Variants in NAV2 observed in about 807,000 individuals in gnomAD.
The protein encoded by NAV2 is neuron navigator 2, also known as helicase, APC down-regulated 1.
In NAV2, 54 loss-of-function variants were observed where a neutral mutation model predicts 223.2. The observed-to-expected ratio is 0.24, with a 90% CI of 0.19 to 0.30. The LOEUF (loss-of-function observed/expected upper bound fraction) is 0.30. Among genes scored for constraint, NAV2 ranks in the 10% least tolerant of loss-of-function variants. The probability of loss-of-function intolerance (pLI) is 1.00; values close to 1 mark genes in which losing one functional copy is unlikely to be tolerated. For synonymous variants in NAV2, 1,279 were observed against 1,239.3 expected (o/e 1.03, Z -0.67); for missense variants, 2,806 against 3,147.5 (o/e 0.89, Z 2.60).
At chr11:19,726,460 C>T (rs1427802549) in intron 1 of NAV2, among the ~76,000 whole-genome samples, 2 of 152,186 alleles carry the variant, frequency 1.3e-5, no homozygotes, top group Non-Finnish European at 2.9e-5. Flanking sequence ...TGCTGCTCTT[C>T]CTGCATGGAA....
chr11:19,713,520 C>T lies in NAV2; in HGVS notation c.-176C>T, dbSNP rs982956574. ...CATTCCCATCCCGGCACCCCAAAGG[C>T]GCGCTCGCCCGATTGCTTCGAGTTC... On this transcript the variant is annotated 5_prime_UTR_variant, in exon 1 of 38. Coordinates refer to ENST00000349880, the MANE Select transcript of NAV2 (RefSeq NM_145117.5). The surrounding 1 kb of genome is among the most constrained non-coding windows in gnomAD (Gnocchi z 7.2). 9 of 1,393,672 alleles carry T rather than the reference C, an allele frequency of 6.5e-6. No individual in the cohort carries two copies. The South Asian group carries it at 1.4e-4, about 22-fold the overall frequency. The allele number at this position is 1,393,672 out of a possible 1,614,324, so 86.3% of individuals were successfully genotyped here.
chr11:19,384,429 G>C, intron 1 of NAV2, among the ~76,000 whole-genome samples: 1 of 152,194 alleles, frequency 6.6e-6, no homozygotes, highest in South Asian at 2.1e-4. Context: ...ATGTTGACTT[G>C]GACAGTGTGA....
intron 11 of NAV2, among the ~76,000 whole-genome samples, chr11:19,993,482 T>C (rs949591357): frequency 5.9e-5 from 9 of 152,254 alleles, no homozygotes; most frequent in Admixed American, 5.9e-4. Flanking sequence ...TTATACCATA[T>C]GCCTGCAAGG....
chr11:19,614,674 G>A (rs550119223), intron 1 of NAV2, among the ~76,000 whole-genome samples: 2 of 152,244 alleles, frequency 1.3e-5, no homozygotes, highest in South Asian at 2.1e-4. Context: ...GGCCACTGGA[G>A]GACAGAGGGA....
At chr11:19,724,675 C>T (rs1024380924) in intron 1 of NAV2, among the ~76,000 whole-genome samples, 10 of 152,228 alleles carry the variant, frequency 6.6e-5, no homozygotes, top group Admixed American at 3.3e-4. Flanking sequence ...CCCTTTAAGT[C>T]TCACAAGGGC....
chr11:19,919,619 A>G (rs2044102422), intron 6 of NAV2, among the ~76,000 whole-genome samples: 1 of 152,230 alleles, frequency 6.6e-6, no homozygotes, highest in South Asian at 2.1e-4. Context: ...GAGTTGGGTT[A>G]GAGACCTGGT....
intron 1 of NAV2, among the ~76,000 whole-genome samples, chr11:19,635,638 A>C (rs990948160): frequency 1.3e-5 from 2 of 152,224 alleles, no homozygotes; most frequent in Non-Finnish European, 2.9e-5. Flanking sequence ...GGGAATAGAC[A>C]GTCTAGAAAG....
chr11:19,503,573 CT>C (rs2043026052), intron 1 of NAV2: 1 of 152,196 alleles, frequency 6.6e-6, no homozygotes, highest in Admixed American at 6.5e-5. Flanking sequence ...TTCAGATTGT[CT>C]TCCTTCACTT....
intron 2 of NAV2, among the ~76,000 whole-genome samples, chr11:19,841,048 C>A (rs907637984): frequency 2.0e-5 from 3 of 152,168 alleles, no homozygotes; most frequent in African/African-American, 4.8e-5. Flanking sequence ...CATGGCACCT[C>A]TTTTGGGAGC....
At chr11:20,097,546 T>C in intron 30 of NAV2, 31 bp from the exon 31 acceptor site, 1 of 1,534,746 alleles carries the variant, frequency 6.5e-7, no homozygotes, top group Non-Finnish European at 8.8e-7. Flanking sequence ...GCCACATCTT[T>C]GATGGGGTCT....
chr11:19,493,651 C>T (rs1187240529), intron 1 of NAV2, among the ~76,000 whole-genome samples: 2 of 152,150 alleles, frequency 1.3e-5, no homozygotes, highest in African/African-American at 4.8e-5. Flanking sequence ...GGGACTGCCA[C>T]CGGATGGAGC....
intron 1 of NAV2, among the ~76,000 whole-genome samples, chr11:19,608,487 T>C (rs2046541968): frequency 6.6e-6 from 1 of 152,286 alleles, no homozygotes. Flanking sequence ...CACTTCGGGA[T>C]GTGAACTTAT....
At chr11:19,994,668 A>C (rs1210857265) in intron 11 of NAV2, among the ~76,000 whole-genome samples, 1 of 152,140 alleles carries the variant, frequency 6.6e-6, no homozygotes, top group Non-Finnish European at 1.5e-5. Context: ...ACGGTGGCCT[A>C]TGGAAAAGGG....
chr11:19,987,778 C>G (rs1156431038), intron 11 of NAV2, among the ~76,000 whole-genome samples: 2 of 152,170 alleles, frequency 1.3e-5, no homozygotes. Flanking sequence ...GTTGCCACTC[C>G]TGGGCTCCAG....
chr11:19,948,570 T>G, intron 9 of NAV2, 121 bp from the exon 10 acceptor site: 1 of 1,075,536 alleles, frequency 9.3e-7, no homozygotes. Context: ...ACATGGGGGC[T>G]GGCTGTTTTA....
At chr11:19,997,587 A>G (rs1330232930) in intron 11 of NAV2, among the ~76,000 whole-genome samples, 1 of 152,156 alleles carries the variant, frequency 6.6e-6, no homozygotes, top group Non-Finnish European at 1.5e-5. Flanking sequence ...GACTTACCAC[A>G]TCAGGAATTA....
At chr11:19,409,993 G>A (rs1245602995) in intron 1 of NAV2, among the ~76,000 whole-genome samples, 2 of 152,106 alleles carry the variant, frequency 1.3e-5, no homozygotes, top group African/African-American at 4.8e-5. Context: ...TCTCTGGGAC[G>A]CTCTCCTGGT....
At position 19,713,156 on chromosome 11, in the gene NAV2, G is replaced by A. The variant is rs949141678; in HGVS notation, c.-540G>A. Among the ~76,000 whole-genome samples the A allele has an allele frequency of 7.7e-5, 11 of 142,826 alleles. No individual in the cohort carries two copies. Among genetic ancestry groups the A allele is most frequent in the Non-Finnish European group, 1.4e-4 (9 of 64,366 alleles). 93.7% of individuals were successfully genotyped at this position (142,826 alleles called of 152,430 possible). A position where few individuals can be genotyped will look rare whatever the true frequency, so the allele number is the denominator to read the frequency against. On this transcript the variant is annotated 5_prime_UTR_variant, in exon 1 of 38. Coordinates refer to ENST00000349880, the MANE Select transcript of NAV2 (RefSeq NM_145117.5). This position sits in a 1 kb window ranked among gnomAD's most constrained non-coding sequence, Gnocchi z 7.2. ...GTGGCAGCTGCCTCTCGGTGGAGAC[G>A]TCTTGGGACCCTTGCGCCCTTCTTC... is the stretch of plus-strand genomic sequence containing the variant.
At chr11:19,954,094 G>T (rs1450333180) in intron 10 of NAV2, among the ~76,000 whole-genome samples, 1 of 152,202 alleles carries the variant, frequency 6.6e-6, no homozygotes, top group East Asian at 1.9e-4. Flanking sequence ...AGCCAGCTTA[G>T]CCTGTGGTGT....
Sources: allele counts gnomAD v4.1 joint callset (sites outside exome capture counted in the v4.1 genomes callset), GRCh38; gene constraint gnomAD v4.1.1; non-coding constraint Gnocchi (gnomAD v3.1); transcripts MANE v1.5; gene names NCBI Gene and HGNC (gene_info 2026-07-23, HGNC 2026-07-21).